ADGRL2: variants seen among roughly 807,000 people sequenced by gnomAD.
The protein encoded by ADGRL2 is calcium-independent alpha-latrotoxin receptor 2.
Under a neutral mutation model 157.4 loss-of-function variants are expected in ADGRL2, and 44 were observed. That is an observed-to-expected ratio of 0.28 (90% CI 0.22 to 0.36). The LOEUF (loss-of-function observed/expected upper bound fraction) is 0.36, where lower values mean the gene tolerates loss of function less well. Among genes scored for constraint, ADGRL2 ranks in the 10% least tolerant of loss-of-function variants. The pLI, the probability that ADGRL2 is intolerant of heterozygous loss-of-function variation, is 1.00. For missense variants in ADGRL2, 1,510 were observed against 1,768.9 expected, an observed-to-expected ratio of 0.85 and a Z score of 2.63; for synonymous variants, 585 against 624.7, an observed-to-expected ratio of 0.94 and a Z score of 0.95.
chr1:81,774,502 T>G (rs911684696), intron 2 of ADGRL2, among the ~76,000 whole-genome samples: 2 of 152,316 alleles, frequency 1.3e-5, no homozygotes, highest in Admixed American at 1.3e-4. Flanking sequence ...ATTTTCAGGC[T>G]CCTGACCATG....
intron 1 of ADGRL2, among the ~76,000 whole-genome samples, chr1:81,442,009 A>G (rs2077516893): frequency 6.6e-6 from 1 of 151,762 alleles, no homozygotes. Flanking sequence ...AATTTTTACA[A>G]TTTTTATAGA....
intron 19 of ADGRL2, among the ~76,000 whole-genome samples, chr1:81,982,299 C>T (rs1661897068): frequency 6.6e-6 from 1 of 151,936 alleles, no homozygotes; most frequent in African/African-American, 2.4e-5. Flanking sequence ...TCATTCTTTG[C>T]TCACTAAAGG....
rs188547441 is a variant in ADGRL2 at position 81,472,503 on chromosome 1, C to T, written c.-248+27414C>T. 7.9e-5 allele frequency among the ~76,000 whole-genome samples: 12 copies of T among 152,164 alleles called. No homozygotes were observed. In the East Asian group the frequency reaches 9.7e-4, roughly 12 times the overall value. ...AAAATTAGCCGGGGGTGGTGGCACA[C>T]GCCTGTAATCCCAGCTACTCAGGAG... On this transcript the variant is annotated intron_variant, in intron 2 of 24. Transcript: ENST00000370721.
chr1:81,586,496 G>C (rs145964800), intron 3 of ADGRL2: 50 of 152,122 alleles, frequency 3.3e-4, no homozygotes, highest in African/African-American at 1.2e-3. Context: ...TTACCTTCTA[G>C]TTTAATCAAG....
chr1:81,645,790 T>G (rs2082304000), intron 3 of ADGRL2, among the ~76,000 whole-genome samples: 1 of 152,186 alleles, frequency 6.6e-6, no homozygotes, highest in Non-Finnish European at 1.5e-5. Flanking sequence ...TTTTCCATAT[T>G]TCCCCCCTCT....
At chr1:81,535,697 G>A (rs2079718958) in intron 2 of ADGRL2, among the ~76,000 whole-genome samples, 1 of 152,126 alleles carries the variant, frequency 6.6e-6, no homozygotes, top group Admixed American at 6.6e-5. Flanking sequence ...TAAACGCATA[G>A]CAGGATTTTG....
chr1:81,915,780 A>G (rs2094841918), intron 3 of ADGRL2, among the ~76,000 whole-genome samples: 1 of 152,198 alleles, frequency 6.6e-6, no homozygotes, highest in Non-Finnish European at 1.5e-5. Flanking sequence ...GAGATGAAGA[A>G]ATAAGATCAA....
At chr1:81,839,446 A>C (rs1344255138) in intron 2 of ADGRL2, among the ~76,000 whole-genome samples, 1 of 151,856 alleles carries the variant, frequency 6.6e-6, no homozygotes, top group Non-Finnish European at 1.5e-5. Context: ...TAAGTTCTTT[A>C]GTGGTGATTT....
intron 2 of ADGRL2, among the ~76,000 whole-genome samples, chr1:81,770,889 G>C (rs543761352): frequency 6.6e-6 from 1 of 151,932 alleles, no homozygotes; most frequent in Non-Finnish European, 1.5e-5. Context: ...TTTTTAAAAA[G>C]AATTTGTTTC....
rs190619954 is a variant in ADGRL2 at position 81,345,186 on chromosome 1, C to T, written c.-302+38677C>T. Among the ~76,000 whole-genome samples, 283 of 152,304 alleles carry T rather than the reference C, an allele frequency of 1.9e-3. 1 individual carries two copies. Among genetic ancestry groups the T allele is most frequent in the African/African-American group, 6.8e-3 (281 of 41,572 alleles). On this transcript the variant is annotated intron_variant, in intron 1 of 24. Transcript: ENST00000370721. ...TTTTATGACCCAGCCTTAGAACTCA[C>T]ATAGTATCTTTCTTCATGAAACAAA...
chr1:81,930,766 C>G (rs1044926243), intron 3 of ADGRL2, among the ~76,000 whole-genome samples: 1 of 152,028 alleles, frequency 6.6e-6, no homozygotes, highest in African/African-American at 2.4e-5. Context: ...AGAATTGAAC[C>G]ATTGAAACCC....
chr1:81,981,393 T>C (rs557281383), intron 18 of ADGRL2, among the ~76,000 whole-genome samples: 161 of 152,064 alleles, frequency 1.1e-3, no homozygotes, highest in Non-Finnish European at 1.8e-3. Flanking sequence ...TAAGTGATTA[T>C]CTGCCATTTA....
At chr1:81,460,012 C>A (rs1452802065) in intron 2 of ADGRL2, among the ~76,000 whole-genome samples, 1 of 151,878 alleles carries the variant, frequency 6.6e-6, no homozygotes, top group East Asian at 1.9e-4. Flanking sequence ...AACACTTTGT[C>A]TTTTGTTATT....
intron 2 of ADGRL2, among the ~76,000 whole-genome samples, chr1:81,516,069 A>G (rs1011424301): frequency 4.6e-5 from 7 of 152,312 alleles, no homozygotes; most frequent in South Asian, 2.1e-4. Context: ...GGCTGTCCTA[A>G]TACACTGGTT....
chr1:81,873,536 G>A (rs1042848955), intron 2 of ADGRL2, among the ~76,000 whole-genome samples: 2 of 152,052 alleles, frequency 1.3e-5, no homozygotes, highest in Non-Finnish European at 2.9e-5. Context: ...AGAAAATGGA[G>A]TAGCCTTTAC....
chr1:81,506,994 T>C (rs2078988086), intron 2 of ADGRL2, among the ~76,000 whole-genome samples: 1 of 152,008 alleles, frequency 6.6e-6, no homozygotes, highest in African/African-American at 2.4e-5. Context: ...TGGCAGACTG[T>C]GTAATTAGGA....
At chr1:81,780,769 T>C (rs2086779311) in intron 2 of ADGRL2, among the ~76,000 whole-genome samples, 1 of 152,208 alleles carries the variant, frequency 6.6e-6, no homozygotes, top group Non-Finnish European at 1.5e-5. Flanking sequence ...ACTTTTTCCT[T>C]CTCATTTAAG....
intron 2 of ADGRL2, among the ~76,000 whole-genome samples, chr1:81,855,325 C>T (rs1427714764): frequency 6.6e-6 from 1 of 152,026 alleles, no homozygotes; most frequent in Non-Finnish European, 1.5e-5. Context: ...CCCATGGTCC[C>T]AGCTACTTAG....
chr1:81,966,262 C>A, intron 12 of ADGRL2, 79 bp downstream of exon 12: 2 of 1,575,938 alleles, frequency 1.3e-6, no homozygotes, highest in African/African-American at 2.7e-5. Flanking sequence ...TATTTGAGTC[C>A]TTATATAACA....
Sources: gnomAD v4.1 joint callset for allele counts (sites outside exome capture counted in the v4.1 genomes callset) on GRCh38, gnomAD v4.1.1 for gene constraint, MANE v1.5 for transcripts, NCBI Gene and HGNC (gene_info 2026-07-23, HGNC 2026-07-21) for gene names.